LRRC4C: variants seen among roughly 807,000 people sequenced by gnomAD.
LRRC4C encodes leucine-rich repeat-containing protein 4C.
Under a neutral mutation model 33.6 loss-of-function variants are expected in LRRC4C, and 5 were observed. That is an observed-to-expected ratio of 0.15 (90% confidence interval 0.08 to 0.31). The LOEUF is 0.31. LRRC4C is among the 10% of genes least tolerant of loss of function. LRRC4C has a pLI of 1.00. For missense variants in LRRC4C, 560 were observed against 796.7 expected, an observed-to-expected ratio of 0.70 and a Z score of 3.58; for synonymous variants, 329 against 302.0, an observed-to-expected ratio of 1.09 and a Z score of -0.93.
At chr11:40,456,122 T>C (rs938832817) in intron 3 of LRRC4C, among the ~76,000 whole-genome samples, 2 of 152,128 alleles carry the variant, frequency 1.3e-5, no homozygotes, top group African/African-American at 4.8e-5. Flanking sequence ...AAGAAACCAA[T>C]ATATGTCACC....
chr11:40,249,040 T>C (rs1435489680), intron 4 of LRRC4C, among the ~76,000 whole-genome samples: 2 of 151,990 alleles, frequency 1.3e-5, no homozygotes, highest in African/African-American at 2.4e-5. Flanking sequence ...CAAGCAATTA[T>C]AATCTCTTGG....
intron 2 of LRRC4C, among the ~76,000 whole-genome samples, chr11:40,729,382 C>T (rs1947450344): frequency 6.6e-6 from 1 of 152,120 alleles, no homozygotes; most frequent in Non-Finnish European, 1.5e-5. Flanking sequence ...AGGTAACTCC[C>T]ATGATATACT....
chr11:41,390,134 G>A (rs535440485), intron 1 of LRRC4C, among the ~76,000 whole-genome samples: 1 of 151,994 alleles, frequency 6.6e-6, no homozygotes, highest in Admixed American at 6.6e-5. Flanking sequence ...TTTGTTTGCC[G>A]AGGATTTGAG....
At chr11:40,513,095 A>G (rs1955400435) in intron 3 of LRRC4C, among the ~76,000 whole-genome samples, 1 of 151,682 alleles carries the variant, frequency 6.6e-6, no homozygotes, top group Non-Finnish European at 1.5e-5. Flanking sequence ...TACAAATACA[A>G]AAAATTAGCC....
chr11:40,717,805 G>T (rs1372277561), intron 2 of LRRC4C, among the ~76,000 whole-genome samples: 1 of 152,090 alleles, frequency 6.6e-6, no homozygotes, highest in African/African-American at 2.4e-5. Context: ...AAATCCATCA[G>T]CTAATCCAAA....
chr11:41,219,969 G>A (rs990970287), intron 1 of LRRC4C, among the ~76,000 whole-genome samples: 7 of 151,998 alleles, frequency 4.6e-5, no homozygotes, highest in Non-Finnish European at 1.0e-4. Flanking sequence ...GGCATCATAG[G>A]GACCTATATG....
intron 2 of LRRC4C, among the ~76,000 whole-genome samples, chr11:40,818,990 G>A (rs1314220244): frequency 6.6e-6 from 1 of 152,060 alleles, no homozygotes; most frequent in Non-Finnish European, 1.5e-5. Context: ...TATATATCCT[G>A]AACCAATGAC....
At chr11:40,791,288 G>T (rs896481735) in intron 2 of LRRC4C, among the ~76,000 whole-genome samples, 1 of 152,132 alleles carries the variant, frequency 6.6e-6, no homozygotes, top group Non-Finnish European at 1.5e-5. Flanking sequence ...TTTTTCCATA[G>T]TAAATACTTT....
intron 3 of LRRC4C, among the ~76,000 whole-genome samples, chr11:40,511,263 AAG>A (rs1955302660): frequency 6.6e-6 from 1 of 152,182 alleles, no homozygotes; most frequent in South Asian, 2.1e-4. Flanking sequence ...ACAAAATGAA[AAG>A]AGGCGTATGA....
chr11:40,843,800 G>A (rs10742564), intron 2 of LRRC4C, among the ~76,000 whole-genome samples: 148,691 of 152,254 alleles, frequency 0.98, 72,695 homozygotes, highest in Middle Eastern at 1. Context: ...TACATTTTCA[G>A]TTGCAAATAT....
chr11:40,332,734 G>A (rs1946418278), intron 3 of LRRC4C, among the ~76,000 whole-genome samples: 1 of 152,010 alleles, frequency 6.6e-6, no homozygotes, highest in South Asian at 2.1e-4. Flanking sequence ...TTACATAATT[G>A]TTCATGGATT....
chr11:40,594,136 C>A (rs1256480173), intron 3 of LRRC4C, among the ~76,000 whole-genome samples: 1 of 152,116 alleles, frequency 6.6e-6, no homozygotes, highest in Non-Finnish European at 1.5e-5. Flanking sequence ...CCCTGATAGT[C>A]CCTTCATCCT....
intron 1 of LRRC4C, among the ~76,000 whole-genome samples, chr11:41,176,240 T>G (rs577588205): frequency 6.6e-6 from 1 of 152,306 alleles, no homozygotes; most frequent in African/African-American, 2.4e-5. Flanking sequence ...CCTGGTTCAT[T>G]TTAGTAGACT....
At chr11:40,429,574 A>AC (rs921353853) in intron 3 of LRRC4C, among the ~76,000 whole-genome samples, 55 of 152,070 alleles carry the variant, frequency 3.6e-4, no homozygotes, top group African/African-American at 1.1e-3. Flanking sequence ...ATAATAAAAA[A>AC]AAAACAAAAC....
intron 4 of LRRC4C, among the ~76,000 whole-genome samples, chr11:40,309,181 C>T (rs1356851400): frequency 6.6e-6 from 1 of 152,170 alleles, no homozygotes; most frequent in Non-Finnish European, 1.5e-5. Context: ...TTCTCAAGTC[C>T]TCACCCTGCC....
chr11:40,164,872 G>A (rs764829946), intron 5 of LRRC4C, among the ~76,000 whole-genome samples: 18 of 151,972 alleles, frequency 1.2e-4, no homozygotes, highest in Non-Finnish European at 2.5e-4. Context: ...CCATAAATTG[G>A]TACAATTATT....
At chr11:40,354,919 A>G (rs1198260307) in intron 3 of LRRC4C, among the ~76,000 whole-genome samples, 3 of 152,026 alleles carry the variant, frequency 2.0e-5, no homozygotes, top group Non-Finnish European at 2.9e-5. Flanking sequence ...CTTTATCCAT[A>G]GCCACCATAG....
chr11:40,714,971 G>T (rs1418443702), intron 2 of LRRC4C, among the ~76,000 whole-genome samples: 1 of 152,128 alleles, frequency 6.6e-6, no homozygotes. Flanking sequence ...ACCTCAAACT[G>T]TTTAGAGGAC....
chr11:41,415,976 CCT>C (rs1444204152), intron 1 of LRRC4C, among the ~76,000 whole-genome samples: 3 of 151,546 alleles, frequency 2.0e-5, no homozygotes, highest in South Asian at 4.2e-4. Flanking sequence ...CCAGGTTTCT[CCT>C]CTCTCTCTCT....
Sources: gnomAD v4.1 joint callset for allele counts (sites outside exome capture counted in the v4.1 genomes callset) on GRCh38, gnomAD v4.1.1 for gene constraint, MANE v1.5 for transcripts, NCBI Gene and HGNC (gene_info 2026-07-23, HGNC 2026-07-21) for gene names.